The following SETD3 variants were observed in gnomAD, a reference collection of about 807,000 sequenced individuals.
The protein encoded by SETD3 is actin-histidine N-methyltransferase.
In SETD3, 19 loss-of-function variants were observed where a neutral mutation model predicts 63.0. The ratio of observed to expected loss-of-function variants is 0.30; its 90% CI spans 0.21 to 0.44. The LOEUF is 0.44. SETD3 is among the 20% of genes least tolerant of loss of function. The probability of loss-of-function intolerance (pLI) is 1.00; values close to 1 mark genes in which losing one functional copy is unlikely to be tolerated. For synonymous variants in SETD3, 286 were observed against 264.1 expected, an observed-to-expected ratio of 1.08 and a Z score of -0.80; for missense variants, 587 against 728.5, an observed-to-expected ratio of 0.81 and a Z score of 2.24.
chr14:99,402,029 G>A lies in SETD3; in HGVS notation c.1178-1770C>T, dbSNP rs1193151282. ...AGCTTTCCTCCAGCAAACAGGGCCT[G>A]CAAATTATCCCTGCACCTCATTCTG... is the stretch of plus-strand genomic sequence containing the variant. On this transcript the variant is annotated intron_variant, in intron 11 of 12. Coordinates refer to ENST00000331768, the MANE Select transcript of SETD3 (RefSeq NM_032233.3). Among the ~76,000 whole-genome samples the A allele has an allele frequency of 2.6e-5, 4 of 152,314 alleles. No homozygotes were observed. The East Asian group carries it at 7.7e-4, about 30-fold the overall frequency.
intron 8 of SETD3, among the ~76,000 whole-genome samples, chr14:99,407,872 C>G (rs978685157): frequency 6.6e-6 from 1 of 152,206 alleles, no homozygotes; most frequent in Non-Finnish European, 1.5e-5. Context: ...CACACAGAAC[C>G]TAAAACCTGA....
intron 1 of SETD3, among the ~76,000 whole-genome samples, chr14:99,480,105 C>T (rs565964431): frequency 8.2e-4 from 125 of 152,366 alleles, no homozygotes; most frequent in African/African-American, 3.0e-3. Context: ...GGAAGAAAGA[C>T]GACCTATTTC....
At chr14:99,480,519 C>T (rs1222219285) in intron 1 of SETD3, among the ~76,000 whole-genome samples, 4 of 150,964 alleles carry the variant, frequency 2.6e-5, no homozygotes, top group African/African-American at 7.3e-5. Context: ...CCGACCCCGC[C>T]GGGCCCTCCT....
At chr14:99,410,135 T>G (rs1259277740) in intron 8 of SETD3, 4 of 1,522,248 alleles carry the variant, frequency 2.6e-6, no homozygotes. Context: ...GGAGGAGGTC[T>G]ATGAGTGAGT....
chr14:99,411,808 A>G (rs1439224869), intron 8 of SETD3: 1 of 152,242 alleles, frequency 6.6e-6, no homozygotes, highest in Non-Finnish European at 1.5e-5. Flanking sequence ...AGTATTCATT[A>G]CTAATTAAAT....
chr14:99,416,354 T>TA (rs1275439587), intron 6 of SETD3, among the ~76,000 whole-genome samples: 3 of 152,222 alleles, frequency 2.0e-5, no homozygotes, highest in Non-Finnish European at 4.4e-5. Flanking sequence ...TTTAAGCTCA[T>TA]ACGTTATACA....
rs148083427 is a variant in SETD3, at chr14:99,419,475, T to C, written c.676-5541A>G. 7.2e-3 allele frequency among the ~76,000 whole-genome samples: 1,091 copies of C among 152,354 alleles called. 8 individuals are homozygous for C. The highest frequency in any genetic ancestry group is 0.024 in the African/African-American group (1,006 of 41,590). On this transcript the variant is annotated intron_variant, in intron 6 of 12. Coordinates refer to ENST00000331768, the MANE Select transcript of SETD3 (RefSeq NM_032233.3). ...GTTGAAACATGGCAAAAGATACGTC[T>C]GTTTAAAAACCTTTTTATGGCCGGG... is the stretch of plus-strand genomic sequence containing the variant.
chr14:99,477,729 C>T (rs1376127438), intron 1 of SETD3, among the ~76,000 whole-genome samples: 2 of 104,296 alleles, frequency 1.9e-5, no homozygotes, highest in Non-Finnish European at 3.6e-5. Flanking sequence ...GCCTCGGCAA[C>T]AAGAGCGAAA....
At chr14:99,412,851 CG>C in intron 8 of SETD3, 99 bp downstream of exon 8, 3 of 815,560 alleles carry the variant, frequency 3.7e-6, no homozygotes, top group Non-Finnish European at 2.1e-6. Flanking sequence ...AGGGAGGCAA[CG>C]GGGGGAGTAC....
intron 6 of SETD3, among the ~76,000 whole-genome samples, chr14:99,419,723 C>T (rs1030096820): frequency 2.5e-4 from 38 of 149,214 alleles, no homozygotes; most frequent in African/African-American, 8.1e-4. Flanking sequence ...TGCAGTGAGC[C>T]GAGATCCCGC....
intron 10 of SETD3, 91 bp from the exon 11 acceptor site, chr14:99,404,401 T>G (rs755617099): frequency 4.3e-5 from 49 of 1,148,424 alleles, no homozygotes; most frequent in Non-Finnish European, 6.0e-5. Flanking sequence ...CACGTGTGGT[T>G]GTCCTCAAGG....
chr14:99,466,340 C>T (rs1472651765), intron 1 of SETD3, among the ~76,000 whole-genome samples: 3 of 152,192 alleles, frequency 2.0e-5, no homozygotes, highest in Non-Finnish European at 4.4e-5. Flanking sequence ...CATTTTGCTC[C>T]ATGGGAAATC....
Position 99,475,441 on chromosome 14 carries a change from T to G in SETD3, c.-9+5287A>C, listed in dbSNP as rs369385545. ...AAGAGAAAAAGGCAGCTCCAAAGCTTCGCCTTTAGGCGGCCAGCAGAGCTG... is the reference window on the plus strand; with the variant it reads ...AAGAGAAAAAGGCAGCTCCAAAGCTGCGCCTTTAGGCGGCCAGCAGAGCTG... On this transcript the variant is annotated intron_variant, in intron 1 of 12. Coordinates refer to ENST00000331768, the MANE Select transcript of SETD3 (RefSeq NM_032233.3). 1.5e-4 allele frequency among the ~76,000 whole-genome samples: 23 copies of G among 152,376 alleles called. No individual in the cohort carries two copies. In the East Asian group the frequency reaches 4.0e-3, roughly 27 times the overall value.
Position 99,455,786 on chromosome 14 carries a change from G to T in SETD3, c.675+2493C>A, listed in dbSNP as rs566766012. ...CTGGAAAATGCCTTTTGTAGGGGCT[G>T]CCCTATATGTAGAAGTGTAGCAGCA... On this transcript the variant is annotated intron_variant, in intron 6 of 12. Coordinates refer to ENST00000331768, the MANE Select transcript of SETD3 (RefSeq NM_032233.3). Among the ~76,000 whole-genome samples the T allele has an allele frequency of 4.6e-5, 7 of 152,276 alleles. No homozygotes were observed. In the South Asian group the frequency reaches 6.2e-4, roughly 14 times the overall value.
intron 6 of SETD3, among the ~76,000 whole-genome samples, chr14:99,442,964 C>A (rs531953665): frequency 2.0e-5 from 3 of 152,192 alleles, no homozygotes; most frequent in East Asian, 3.9e-4. Context: ...CACACTCTGA[C>A]GCGGACGGGA....
chr14:99,441,944 A>C (rs1893843327), intron 6 of SETD3, among the ~76,000 whole-genome samples: 1 of 152,212 alleles, frequency 6.6e-6, no homozygotes, highest in Non-Finnish European at 1.5e-5. Flanking sequence ...AGTCGTGGCT[A>C]AGGAAAATGT....
chr14:99,480,042 T>C (rs937777656), intron 1 of SETD3, among the ~76,000 whole-genome samples: 4 of 151,406 alleles, frequency 2.6e-5, no homozygotes, highest in African/African-American at 9.7e-5. Flanking sequence ...AAGCACCGAA[T>C]TGCCTCTCCC....
intron 6 of SETD3, among the ~76,000 whole-genome samples, chr14:99,447,379 T>C (rs1894197402): frequency 6.6e-6 from 1 of 152,266 alleles, no homozygotes. Context: ...ATGTGATCTA[T>C]AACATTTACA....
chr14:99,429,468 AC>A lies in SETD3; in HGVS notation c.676-15535del, dbSNP rs555904116. 3.9e-5 allele frequency among the ~76,000 whole-genome samples: 6 copies of A among 152,212 alleles called. No individual in the cohort carries two copies. The South Asian group carries it at 1.2e-3, about 32-fold the overall frequency. On this transcript the variant is annotated intron_variant, in intron 6 of 12. Coordinates refer to ENST00000331768, the MANE Select transcript of SETD3 (RefSeq NM_032233.3). ...AAGAAGCCAAGAAATCTAAACATAA[AC>A]AGAGCACCCCGATTCTCTTAAACGG... is the stretch of plus-strand genomic sequence containing the variant.
Sources: allele counts gnomAD v4.1 joint callset (sites outside exome capture counted in the v4.1 genomes callset), GRCh38; gene constraint gnomAD v4.1.1; transcripts MANE v1.5; gene names NCBI Gene and HGNC (gene_info 2026-07-23, HGNC 2026-07-21).